Variants in RBPJ observed in about 807,000 individuals in gnomAD.
The protein encoded by RBPJ is recombination signal binding protein for immunoglobulin kappa J region.
RBPJ carries 9 observed loss-of-function variants against 67.8 expected under a neutral mutation model. That is an observed-to-expected ratio of 0.13 (90% CI 0.08 to 0.23). The LOEUF (loss-of-function observed/expected upper bound fraction) is 0.23, where lower values mean the gene tolerates loss of function less well. RBPJ is among the 10% of genes least tolerant of loss of function. RBPJ has a pLI of 1.00. For synonymous variants in RBPJ, 198 were observed against 203.3 expected (o/e 0.97, Z 0.22); for missense variants, 305 against 595.6 (o/e 0.51, Z 5.08).
chr4:26,227,760 C>T lies in RBPJ; in HGVS notation c.-167+64146C>T, dbSNP rs112565626. ...ATTCACCAGTGAAGAGCAGACTTTGCTTGAGTCGCGGAGCGTCCGAGTGCC... is the reference window on the plus strand; with the variant it reads ...ATTCACCAGTGAAGAGCAGACTTTGTTTGAGTCGCGGAGCGTCCGAGTGCC... On this transcript the variant is annotated intron_variant, in intron 1 of 4. Coordinates refer to the RBPJ transcript ENST00000512351. Among the ~76,000 whole-genome samples the T allele has an allele frequency of 1.2e-3, 189 of 152,358 alleles. 1 individual carries two copies. Among genetic ancestry groups the T allele is most frequent in the African/African-American group, 4.4e-3 (182 of 41,578 alleles).
At chr4:26,257,610 C>A (rs1720384219) in intron 1 of RBPJ, among the ~76,000 whole-genome samples, 1 of 152,322 alleles carries the variant, frequency 6.6e-6, no homozygotes, top group East Asian at 1.9e-4. Context: ...GCCTGGGTAA[C>A]AAGAGTGAAA....
rs180681519 is a variant in RBPJ at position 26,420,783 on chromosome 4, C to T, written c.496+58C>T. ...CCACCATGAATTAATAAGACAGACTCTTTTTTAAATTAAAAATTGCCTTTT... is the reference window on the plus strand; with the variant it reads ...CCACCATGAATTAATAAGACAGACTTTTTTTTAAATTAAAAATTGCCTTTT... On this transcript the variant is annotated intron_variant, in intron 5 of 10. Transcript: ENST00000355476. The T allele has an allele frequency of 1.9e-5, 27 of 1,396,014 alleles. No individual in the cohort carries two copies. The African/African-American group carries it at 3.1e-4, about 16-fold the overall frequency. The allele number at this position is 1,396,014 out of a possible 1,614,324, so 86.5% of individuals were successfully genotyped here. A position where few individuals can be genotyped will look rare whatever the true frequency, so the allele number is the denominator to read the frequency against.
At chr4:26,320,008 C>T (rs1722850647), upstream of RBPJ, 1 of 846,768 alleles carries the variant, frequency 1.2e-6, no homozygotes, top group South Asian at 1.7e-5. Context: ...CAGCCGGCAG[C>T]GTCCTCGGCT....
At chr4:26,189,658 A>AAAAG (rs748398935) in intron 1 of RBPJ, among the ~76,000 whole-genome samples, 1 of 152,196 alleles carries the variant, frequency 6.6e-6, no homozygotes, top group Admixed American at 6.5e-5. Flanking sequence ...ACTCCACCTA[A>AAAAG]AAAGAAAGAA....
At chr4:26,395,708 G>C (rs1009452357) in intron 2 of RBPJ, among the ~76,000 whole-genome samples, 3 of 152,158 alleles carry the variant, frequency 2.0e-5, no homozygotes, top group African/African-American at 4.8e-5. Context: ...CAGTCTTCCA[G>C]TGTGCAGAAC....
upstream of RBPJ, among the ~76,000 whole-genome samples, chr4:26,315,002 G>A (rs575905140): frequency 5.3e-5 from 8 of 151,236 alleles, no homozygotes; most frequent in South Asian, 2.1e-4. Context: ...AAAATTAGCC[G>A]GGTGTGGTAG....
intron 1 of RBPJ, among the ~76,000 whole-genome samples, chr4:26,281,190 G>T (rs193184300): frequency 6.6e-6 from 1 of 151,994 alleles, no homozygotes. Context: ...TCACAGTTCC[G>T]CAGGCTTAAT....
At chr4:26,242,139 A>G (rs545113820) in intron 1 of RBPJ, among the ~76,000 whole-genome samples, 124 of 152,300 alleles carry the variant, frequency 8.1e-4, no homozygotes, top group Middle Eastern at 3.4e-3. Context: ...CTTAGAGTTC[A>G]GTGCAGAGGT....
the RBPJ span, among the ~76,000 whole-genome samples, chr4:26,130,739 T>C: frequency 0.6 from 91,958 of 152,076 alleles, 28,225 homozygotes; most frequent in East Asian, 0.81. Flanking sequence ...TGAGAGTTGA[T>C]GTGAATTATG....
At chr4:26,267,566 G>GTGTATAAATACACATATATACATATATA (rs1720743024) in intron 1 of RBPJ, among the ~76,000 whole-genome samples, 1 of 151,686 alleles carries the variant, frequency 6.6e-6, no homozygotes, top group African/African-American at 2.4e-5. Context: ...GTGTATATAT[G>GTGTATAAATACACATATATACATATATA]TGTATAAATA....
intron 1 of RBPJ, among the ~76,000 whole-genome samples, chr4:26,166,920 C>T (rs1716331535): frequency 2.0e-5 from 3 of 152,216 alleles, no homozygotes; most frequent in African/African-American, 7.2e-5. Flanking sequence ...GATCCAATTT[C>T]AGCTTTCTAC....
intron 1 of RBPJ, among the ~76,000 whole-genome samples, chr4:26,298,793 T>G (rs745700081): frequency 5.3e-5 from 8 of 152,192 alleles, no homozygotes; most frequent in Non-Finnish European, 1.0e-4. Flanking sequence ...CCAAAACTTA[T>G]GTCATCAAGC....
intron 1 of RBPJ, among the ~76,000 whole-genome samples, chr4:26,355,057 T>C (rs1252424896): frequency 3.9e-5 from 6 of 152,250 alleles, no homozygotes; most frequent in Non-Finnish European, 8.8e-5. Context: ...TCTCCTGCCG[T>C]ATTTTTTTGG....
intron 1 of RBPJ, among the ~76,000 whole-genome samples, chr4:26,214,410 GAGAA>G (rs370272015): frequency 1.2e-4 from 16 of 137,770 alleles, no homozygotes; most frequent in South Asian, 2.4e-4. Context: ...GGAAGAGAGA[GAGAA>G]AGAAAGAAAG....
intron 1 of RBPJ, among the ~76,000 whole-genome samples, chr4:26,275,654 C>T (rs1721053989): frequency 6.6e-6 from 1 of 151,968 alleles, no homozygotes; most frequent in African/African-American, 2.4e-5. Context: ...TTTTTTGAGA[C>T]GGAGTCTCGT....
intron 1 of RBPJ, among the ~76,000 whole-genome samples, chr4:26,233,387 G>A (rs577923926): frequency 2.0e-5 from 3 of 152,134 alleles, no homozygotes; most frequent in Non-Finnish European, 4.4e-5. Context: ...TTGGTAACAG[G>A]TTTCCTTGCA....
intron 2 of RBPJ, among the ~76,000 whole-genome samples, chr4:26,392,234 G>A (rs1372864103): frequency 6.6e-6 from 1 of 152,178 alleles, no homozygotes; most frequent in Non-Finnish European, 1.5e-5. Flanking sequence ...ATATAAAGTG[G>A]TACAATAATT....
chr4:26,312,796 T>C lies in RBPJ; in HGVS notation c.-166-49650T>C, dbSNP rs557216247. Among the ~76,000 whole-genome samples the C allele has an allele frequency of 1.2e-3, 189 of 152,364 alleles. 1 individual carries two copies. Among genetic ancestry groups the C allele is most frequent in the Non-Finnish European group, 2.0e-3 (137 of 68,030 alleles). ...CTGGGTTCTTTGTGCTGTCTATTTTTGTAAAATATCAAGATGATGCCTGAC... is the reference window on the plus strand; with the variant it reads ...CTGGGTTCTTTGTGCTGTCTATTTTCGTAAAATATCAAGATGATGCCTGAC... On this transcript the variant is annotated intron_variant, in intron 1 of 4. Transcript: ENST00000512351.
chr4:26,377,882 C>T (rs1729917095), intron 1 of RBPJ, among the ~76,000 whole-genome samples: 1 of 152,152 alleles, frequency 6.6e-6, no homozygotes, highest in Admixed American at 6.5e-5. Context: ...TAAGACAAAA[C>T]AAAACTTCTT....
Sources: gnomAD v4.1 joint callset for allele counts (sites outside exome capture counted in the v4.1 genomes callset) on GRCh38, gnomAD v4.1.1 for gene constraint, MANE v1.5 for transcripts, NCBI Gene and HGNC (gene_info 2026-07-23, HGNC 2026-07-21) for gene names.